Variants in FRMD4A observed in about 807,000 individuals in gnomAD.
FRMD4A encodes the protein FERM domain containing 4A, also known as FERM domain-containing protein 4A.
A neutral mutation model predicts 129.1 loss-of-function variants in FRMD4A; 29 were observed. That is an observed-to-expected ratio of 0.22 (90% CI 0.17 to 0.31). The LOEUF (loss-of-function observed/expected upper bound fraction) is 0.31, where lower values mean the gene tolerates loss of function less well. Among genes scored for constraint, FRMD4A ranks in the 10% least tolerant of loss-of-function variants. The probability of loss-of-function intolerance (pLI) is 1.00; values close to 1 mark genes in which losing one functional copy is unlikely to be tolerated. For synonymous variants in FRMD4A, 634 were observed against 571.6 expected (o/e 1.11, Z -1.56); for missense variants, 1,272 against 1,375.8 (o/e 0.92, Z 1.19).
At chr10:13,927,192 G>T (rs2095142885) in intron 2 of FRMD4A, among the ~76,000 whole-genome samples, 1 of 152,090 alleles carries the variant, frequency 6.6e-6, no homozygotes, top group African/African-American at 2.4e-5. Flanking sequence ...GGGAGGCAGA[G>T]GTTGGAGCTG....
intron 2 of FRMD4A, among the ~76,000 whole-genome samples, chr10:14,307,740 A>G (rs572177896): frequency 6.6e-6 from 1 of 152,308 alleles, no homozygotes; most frequent in Admixed American, 6.5e-5. Flanking sequence ...AGTTACATTT[A>G]TATGCTTTCT....
At chr10:14,086,769 TA>T (rs1290908179) in intron 2 of FRMD4A, among the ~76,000 whole-genome samples, 1 of 152,200 alleles carries the variant, frequency 6.6e-6, no homozygotes, top group Non-Finnish European at 1.5e-5. Context: ...CACCATAACA[TA>T]AACAGACACC....
intron 2 of FRMD4A, among the ~76,000 whole-genome samples, chr10:14,165,905 T>G (rs949231619): frequency 6.6e-6 from 1 of 152,162 alleles, no homozygotes; most frequent in Non-Finnish European, 1.5e-5. Flanking sequence ...TATTGGGTCC[T>G]ATGTCCACTA....
At chr10:13,664,904 TAG>T (rs1241043125) in intron 18 of FRMD4A, among the ~76,000 whole-genome samples, 1 of 152,060 alleles carries the variant, frequency 6.6e-6, no homozygotes, top group African/African-American at 2.4e-5. Context: ...TTGTTTGAGA[TAG>T]AGTTTCGCTC....
chr10:13,853,468 G>A (rs758832990), intron 3 of FRMD4A, among the ~76,000 whole-genome samples: 2 of 152,102 alleles, frequency 1.3e-5, no homozygotes, highest in African/African-American at 2.4e-5. Flanking sequence ...AGCCCAGAAG[G>A]TTGAGGTTGC....
chr10:14,255,372 C>T lies in FRMD4A; in HGVS notation c.45+74686G>A, dbSNP rs549140453. 5.3e-5 allele frequency among the ~76,000 whole-genome samples: 8 copies of T among 152,288 alleles called. 1 individual carries two copies. In the East Asian group the frequency reaches 9.7e-4, roughly 18 times the overall value. ...GTGGACAGAGTAATTCTCAGGAAAA[C>T]ATACGAGGCATGAACTAGGATAGAA... is the stretch of plus-strand genomic sequence containing the variant. On this transcript the variant is annotated intron_variant, in intron 2 of 24. Transcript: ENST00000357447.
intron 2 of FRMD4A, among the ~76,000 whole-genome samples, chr10:14,325,631 T>C (rs973857566): frequency 2.0e-5 from 3 of 152,244 alleles, no homozygotes; most frequent in African/African-American, 4.8e-5. Context: ...AAATTTCTCA[T>C]TGTTACAGTT....
chr10:13,955,112 C>T (rs373105064), intron 2 of FRMD4A, among the ~76,000 whole-genome samples: 20 of 102,964 alleles, frequency 1.9e-4, no homozygotes, highest in African/African-American at 3.5e-4. Context: ...AATAATTCTG[C>T]TTTTTTTTTT....
chr10:13,937,321 G>A (rs995939571), intron 2 of FRMD4A, among the ~76,000 whole-genome samples: 2 of 152,202 alleles, frequency 1.3e-5, no homozygotes, highest in Non-Finnish European at 1.5e-5. Context: ...GCATGGAGAA[G>A]TACTCAGAGA....
chr10:13,654,325 A>G (rs1230824385), intron 23 of FRMD4A, 91 bp downstream of exon 23: 7 of 879,252 alleles, frequency 8.0e-6, no homozygotes, highest in Non-Finnish European at 1.4e-5. Context: ...CTCATCATCC[A>G]TTTACTGACA....
At chr10:14,251,335 G>T (rs923185097) in intron 2 of FRMD4A, among the ~76,000 whole-genome samples, 1 of 152,188 alleles carries the variant, frequency 6.6e-6, no homozygotes, top group African/African-American at 2.4e-5. Context: ...GAGGCCAGCT[G>T]CTATGTCATG....
intron 2 of FRMD4A, among the ~76,000 whole-genome samples, chr10:13,906,228 C>G (rs541608992): frequency 6.6e-6 from 1 of 152,346 alleles, no homozygotes; most frequent in Non-Finnish European, 1.5e-5. Context: ...AACAGGTCAG[C>G]CTGAATCTTC....
chr10:14,189,374 G>A (rs886575928), intron 2 of FRMD4A, among the ~76,000 whole-genome samples: 2 of 152,150 alleles, frequency 1.3e-5, no homozygotes, highest in African/African-American at 4.8e-5. Context: ...AGGAGTTCAA[G>A]ACCAGCCTGA....
In FRMD4A at chr10:14,319,069, C is replaced by T. The variant is rs556339168; in HGVS notation, c.45+10989G>A. Among the ~76,000 whole-genome samples, 3 of 152,288 alleles carry T rather than the reference C, an allele frequency of 2.0e-5. No homozygotes were observed. The South Asian group carries it at 6.2e-4, about 32-fold the overall frequency. On this transcript the variant is annotated intron_variant, in intron 2 of 24. Transcript: ENST00000357447. ...GGGGAGACTCTAACGTTATGGTTCA[C>T]AGAACCAGCTGTGGTCTAGCTAACA...
chr10:14,184,080 C>A (rs1447312590), intron 2 of FRMD4A, among the ~76,000 whole-genome samples: 1 of 151,300 alleles, frequency 6.6e-6, no homozygotes, highest in Non-Finnish European at 1.5e-5. Context: ...GATCACCAAG[C>A]GCTTACATCT....
At chr10:14,014,178 G>A (rs989634873) in intron 2 of FRMD4A, among the ~76,000 whole-genome samples, 10 of 152,150 alleles carry the variant, frequency 6.6e-5, no homozygotes, top group Non-Finnish European at 1.2e-4. Context: ...GGGAGAAACC[G>A]TCGCTTTGAT....
chr10:14,159,499 C>T (rs184068452), intron 2 of FRMD4A, among the ~76,000 whole-genome samples: 1 of 152,190 alleles, frequency 6.6e-6, no homozygotes, highest in African/African-American at 2.4e-5. Context: ...ATGAACATAT[C>T]CCATGCTTAT....
At chr10:14,215,282 A>G (rs1229971840) in intron 2 of FRMD4A, among the ~76,000 whole-genome samples, 1 of 152,230 alleles carries the variant, frequency 6.6e-6, no homozygotes, top group Non-Finnish European at 1.5e-5. Flanking sequence ...AATTAAAGCC[A>G]TCAATATGAA....
chr10:13,930,926 G>A (rs1186408521), intron 2 of FRMD4A, among the ~76,000 whole-genome samples: 1 of 152,102 alleles, frequency 6.6e-6, no homozygotes, highest in South Asian at 2.1e-4. Flanking sequence ...CCAAAATCCT[G>A]GACTCAGAAG....
Sources: gnomAD v4.1 joint callset for allele counts (sites outside exome capture counted in the v4.1 genomes callset) on GRCh38, gnomAD v4.1.1 for gene constraint, MANE v1.5 for transcripts, NCBI Gene and HGNC (gene_info 2026-07-23, HGNC 2026-07-21) for gene names.